CRTC3: variants seen among roughly 807,000 people sequenced by gnomAD.
CRTC3 encodes CREB regulated transcription coactivator 3, also known as CREB-regulated transcription coactivator 3.
CRTC3 carries 26 observed loss-of-function variants against 74.5 expected under a neutral mutation model. The ratio of observed to expected loss-of-function variants is 0.35; its 90% CI spans 0.26 to 0.48. CRTC3 has a LOEUF of 0.48. Among genes scored for constraint, CRTC3 ranks in the 20% least tolerant of loss-of-function variants. CRTC3 has a pLI of 0.99. For synonymous variants in CRTC3, 377 were observed against 325.8 expected (o/e 1.16, Z -1.69); for missense variants, 760 against 787.3 (o/e 0.97, Z 0.41).
At chr15:90,623,135 T>G (rs1030647266) in intron 9 of CRTC3, among the ~76,000 whole-genome samples, 3 of 152,146 alleles carry the variant, frequency 2.0e-5, no homozygotes, top group African/African-American at 7.2e-5. Flanking sequence ...TACCACTCCC[T>G]GGCCCTCCTC....
chr15:90,641,051 G>A, intron 13 of CRTC3, 46 bp from the exon 14 acceptor site: 1 of 1,271,000 alleles, frequency 7.9e-7, no homozygotes. Flanking sequence ...CTTCCTCCTT[G>A]GAAACAGAGG....
chr15:90,555,872 G>A (rs1412804311), intron 2 of CRTC3, among the ~76,000 whole-genome samples: 5 of 151,924 alleles, frequency 3.3e-5, no homozygotes, highest in African/African-American at 4.8e-5. Context: ...AAAATACATT[G>A]CATTTGTTTA....
chr15:90,586,998 A>C (rs775666149), intron 2 of CRTC3, among the ~76,000 whole-genome samples: 1 of 152,230 alleles, frequency 6.6e-6, no homozygotes, highest in Non-Finnish European at 1.5e-5. Context: ...TTACCAGTCA[A>C]GTAAGATCTG....
chr15:90,577,940 C>T (rs1429804659), intron 2 of CRTC3, among the ~76,000 whole-genome samples: 6 of 152,150 alleles, frequency 3.9e-5, no homozygotes, highest in Admixed American at 2.6e-4. Context: ...GATGGAGTCT[C>T]GCTCTGCTGC....
At chr15:90,598,492 T>C (rs1286488329) in intron 3 of CRTC3, 1 of 702,794 alleles carries the variant, frequency 1.4e-6, no homozygotes, top group South Asian at 1.5e-5. Flanking sequence ...ATTGAGGCAG[T>C]AACTCGAGGA....
intron 2 of CRTC3, among the ~76,000 whole-genome samples, chr15:90,540,361 C>T (rs1966783303): frequency 6.6e-6 from 1 of 152,136 alleles, no homozygotes; most frequent in Non-Finnish European, 1.5e-5. Context: ...ATAACACAAG[C>T]ATATGTAATT....
intron 10 of CRTC3, 76 bp from the exon 11 acceptor site, chr15:90,629,158 C>T (rs752819492): frequency 2.2e-6 from 3 of 1,377,234 alleles, no homozygotes; most frequent in African/African-American, 1.4e-5. Context: ...TGACAGTAGA[C>T]AGTTTTCTTT....
In CRTC3 at chr15:90,538,136, G is replaced by A. The variant is rs563611247; in HGVS notation, c.133-1903G>A. Among the ~76,000 whole-genome samples, 13 of 152,360 alleles carry A rather than the reference G, an allele frequency of 8.5e-5. No homozygotes were observed. In the East Asian group the frequency reaches 2.5e-3, roughly 29 times the overall value. ...TGCCTGGCATACTACCTGACACACAGTTAAGTTTTTGTATCAGTAAATCAA... is the reference window on the plus strand; with the variant it reads ...TGCCTGGCATACTACCTGACACACAATTAAGTTTTTGTATCAGTAAATCAA... On this transcript the variant is annotated intron_variant, in intron 1 of 14. Transcript: ENST00000268184.
intron 2 of CRTC3, among the ~76,000 whole-genome samples, chr15:90,581,359 TCTAA>T (rs1257482503): frequency 2.0e-5 from 3 of 152,230 alleles, no homozygotes; most frequent in Non-Finnish European, 4.4e-5. Flanking sequence ...ATGTGCTTTA[TCTAA>T]CTAAATATTC....
In CRTC3 at chr15:90,641,653, T is replaced by A. The variant is rs558372315; in HGVS notation, c.1652-279T>A. 2.4e-3 allele frequency among the ~76,000 whole-genome samples: 365 copies of A among 150,548 alleles called. 2 individuals are homozygous for A. The highest frequency in any genetic ancestry group is 8.6e-3 in the African/African-American group (346 of 40,446). ...TGGAGCTTGCAGTGAGCCGAGATTG[T>A]GCCACTGTACTCCAGCCTGGGCAAC... On this transcript the variant is annotated intron_variant, in intron 14 of 14. Coordinates refer to ENST00000268184, the MANE Select transcript of CRTC3 (RefSeq NM_022769.5).
chr15:90,598,036 C>G (rs1363746539), intron 3 of CRTC3: 3 of 172,664 alleles, frequency 1.7e-5, no homozygotes, highest in Non-Finnish European at 2.5e-5. Flanking sequence ...TGAAACTTGT[C>G]TTGGTAGGTG....
chr15:90,560,628 G>A (rs1227288589), intron 2 of CRTC3, among the ~76,000 whole-genome samples: 2 of 152,198 alleles, frequency 1.3e-5, no homozygotes, highest in African/African-American at 4.8e-5. Context: ...TTCTGAAATC[G>A]TGTGACTTCC....
intron 11 of CRTC3, among the ~76,000 whole-genome samples, chr15:90,634,103 A>G (rs1450758966): frequency 7.6e-6 from 1 of 132,422 alleles, no homozygotes; most frequent in Admixed American, 8.2e-5. Flanking sequence ...CCCATCATTT[A>G]CCCTCAACAA....
chr15:90,619,506 A>C (rs964336942), intron 8 of CRTC3, among the ~76,000 whole-genome samples: 2 of 152,216 alleles, frequency 1.3e-5, no homozygotes, highest in Non-Finnish European at 2.9e-5. Context: ...CCAGAAGGTA[A>C]ATTGATAAGG....
rs1241854995 is a variant in CRTC3 at position 90,607,395 on chromosome 15, C to T, written c.494C>T (p.Ala165Val). The T allele has an allele frequency of 1.2e-6, 2 of 1,612,000 alleles. No homozygotes were observed. Among genetic ancestry groups the T allele is most frequent in the Non-Finnish European group, 1.7e-6 (2 of 1,178,802 alleles). ...SALNRTNSDSALHTSALSTKP... is the reference protein window; with the variant it reads ...SALNRTNSDSVLHTSALSTKP... ...CTCCTTAGGACCAATTCTGATTCTG[C>T]TCTTCACACGAGTGCTCTGAGTACC... The change falls in exon 6 of 15, where the codon GCT (alanine) becomes GTT (valine). Residue 165 changes from alanine to valine, a missense_variant. This residue lies in a region of CRTC3 where 652 missense variants were observed against 635.2 expected (regional missense o/e 1.03). Coordinates refer to ENST00000268184, the MANE Select transcript of CRTC3 (RefSeq NM_022769.5).
At chr15:90,548,838 T>C (rs1455419879) in intron 2 of CRTC3, among the ~76,000 whole-genome samples, 1 of 152,198 alleles carries the variant, frequency 6.6e-6, no homozygotes, top group African/African-American at 2.4e-5. Context: ...AGCACAATTC[T>C]AGATTTTTAA....
At chr15:90,568,838 A>G (rs537339731) in intron 2 of CRTC3, among the ~76,000 whole-genome samples, 5 of 152,318 alleles carry the variant, frequency 3.3e-5, no homozygotes, top group African/African-American at 1.2e-4. Context: ...AAGACCCTCT[A>G]CTAGGAAAAA....
chr15:90,612,710 T>C (rs1968393725), intron 6 of CRTC3, among the ~76,000 whole-genome samples: 1 of 152,122 alleles, frequency 6.6e-6, no homozygotes, highest in Non-Finnish European at 1.5e-5. Context: ...TATGAGGGTC[T>C]CAGGAAAGCC....
intron 2 of CRTC3, among the ~76,000 whole-genome samples, chr15:90,545,511 T>C (rs1966842688): frequency 6.6e-6 from 1 of 151,358 alleles, no homozygotes; most frequent in African/African-American, 2.4e-5. Context: ...GCAGTTCTAC[T>C]GCCTGAGCCT....
Sources: gnomAD v4.1 joint callset for allele counts (sites outside exome capture counted in the v4.1 genomes callset) on GRCh38, gnomAD v4.1.1 for gene constraint, gnomAD v4.1.1 regional missense constraint, MANE v1.5 for transcripts, NCBI Gene and HGNC (gene_info 2026-07-23, HGNC 2026-07-21) for gene names.